Variants in SSH1 observed in about 807,000 individuals in gnomAD.
SSH1 encodes protein phosphatase Slingshot homolog 1.
A neutral mutation model predicts 79.7 loss-of-function variants in SSH1; 43 were observed. That is an observed-to-expected ratio of 0.54 (90% CI 0.42 to 0.70). SSH1 has a LOEUF of 0.70. Among genes scored for constraint, SSH1 ranks in the 30% least tolerant of loss-of-function variants. The pLI is 0.00. For synonymous variants in SSH1, 599 were observed against 538.3 expected (o/e 1.11, Z -1.56); for missense variants, 1,206 against 1,358.8 (o/e 0.89, Z 1.77).
rs1298842512 is a variant in SSH1, at chr12:108,788,430, T to C, written c.2708A>G (p.Tyr903Cys). 1.8e-5 allele frequency: 28 copies of C among 1,587,056 alleles called. No individual in the cohort carries two copies. Among genetic ancestry groups the C allele is most frequent in the African/African-American group, 5.4e-5 (4 of 73,780 alleles). Residue 903 changes from tyrosine (Y) to cysteine (C), a missense_variant, in exon 15 of 15, where the codon TAC becomes TGC. Physicochemically the swap from Tyr to Cys is radical, Grantham distance 194 (BLOSUM62 -2). Transcript: ENST00000326495. ...GAAACTACTGGTGTGGTCCAGGCGGTAGAAGAAAGGAGGGGGGCTCTTCAG... is the reference window on the plus strand; with the variant it reads ...GAAACTACTGGTGTGGTCCAGGCGGCAGAAGAAAGGAGGGGGGCTCTTCAG... ...GSLKSPPPFF[Y>C]RLDHTSSFSK...
intron 7 of SSH1, among the ~76,000 whole-genome samples, chr12:108,808,268 T>G (rs1257439507): frequency 2.0e-5 from 3 of 152,212 alleles, no homozygotes; most frequent in African/African-American, 7.2e-5. Flanking sequence ...GGCTCACTCT[T>G]GGAGTCACAC....
intron 2 of SSH1, among the ~76,000 whole-genome samples, chr12:108,844,227 G>A (rs1593126279): frequency 6.6e-6 from 1 of 151,594 alleles, no homozygotes; most frequent in African/African-American, 2.4e-5. Flanking sequence ...ACAGACACAG[G>A]AGCCAAACCC....
chr12:108,829,336 C>A (rs532690605), intron 2 of SSH1, among the ~76,000 whole-genome samples: 1 of 151,964 alleles, frequency 6.6e-6, no homozygotes, highest in African/African-American at 2.4e-5. Context: ...TGGGCAGGGG[C>A]GGTGGGGAAC....
intron 2 of SSH1, among the ~76,000 whole-genome samples, chr12:108,835,485 AC>A (rs1411713071): frequency 6.6e-6 from 1 of 152,148 alleles, no homozygotes; most frequent in East Asian, 1.9e-4. Flanking sequence ...AGGTTAAGTC[AC>A]CTGCCCAAGT....
chr12:108,845,781 A>G (rs988932316), intron 2 of SSH1, among the ~76,000 whole-genome samples: 3 of 152,248 alleles, frequency 2.0e-5, no homozygotes, highest in East Asian at 1.9e-4. Flanking sequence ...ACCTATGCAC[A>G]CATCCATCTC....
intron 2 of SSH1, chr12:108,836,937 T>C (rs1324412250): frequency 5.6e-6 from 3 of 532,448 alleles, no homozygotes; most frequent in Non-Finnish European, 7.7e-6. Flanking sequence ...GGCACAAACA[T>C]GTCCAGGTCA....
At chr12:108,800,689 C>T in intron 12 of SSH1, 91 bp downstream of exon 12, 1 of 1,539,370 alleles carries the variant, frequency 6.5e-7, no homozygotes, top group Non-Finnish European at 9.0e-7. Context: ...CTCCCACCAG[C>T]CGACTTCTGC....
At chr12:108,803,507 CA>C (rs1394948599) in intron 10 of SSH1, among the ~76,000 whole-genome samples, 3 of 152,116 alleles carry the variant, frequency 2.0e-5, no homozygotes, top group Admixed American at 6.5e-5. Context: ...CCCTCAGGAC[CA>C]GGGGTGGCAG....
At position 108,857,378 on chromosome 12, in the gene SSH1, CGGCGCGGCGTCCGGCGGCCCAGGCCG is replaced by C. The variant is rs988536537; in HGVS notation, c.69+24_69+49del. ...CGCGCGGCCCCAGCTCCGGCGGCCT[CGGCGCGGCGTCCGGCGGCCCAGGCCG>C]GGCGCGGCGAGCCCGGGGCTCACCT... is the stretch of plus-strand genomic sequence containing the variant. On this transcript the variant is annotated intron_variant, in intron 1 of 14. Transcript: ENST00000326495. The surrounding 1 kb of genome is among the most constrained non-coding windows in gnomAD (Gnocchi z 4.7). The C allele has an allele frequency of 1.6e-4, 157 of 973,190 alleles. 5 individuals are homozygous for C. The highest frequency in any genetic ancestry group is 7.5e-4 in the Admixed American group (12 of 15,966). 60.3% of individuals were successfully genotyped at this position (973,190 alleles called of 1,614,324 possible).
At chr12:108,797,290 CTT>C (rs769933866) in intron 13 of SSH1, among the ~76,000 whole-genome samples, 1 of 145,086 alleles carries the variant, frequency 6.9e-6, no homozygotes, top group African/African-American at 2.5e-5. Flanking sequence ...CCACGCTGGG[CTT>C]TTTTTTTTTG....
Position 108,800,819 on chromosome 12 carries a change from G to A in SSH1, c.1109C>T (p.Ala370Val), listed in dbSNP as rs753289188. The change falls in exon 12 of 15, where the codon GCC (alanine) becomes GTC (valine). Residue 370 changes from alanine (A) to valine (V), a missense_variant. Coordinates refer to ENST00000326495, the MANE Select transcript of SSH1 (RefSeq NM_018984.4). ...AAAATGATACGCTTCATTCCAGTGG[G>A]CGAGGAGGTCTGTGGTCTCTTCATC... Reference protein sequence around the residue: ...VYDEETTDLLAHWNEAYHFIN... With the variant: ...VYDEETTDLLVHWNEAYHFIN... The A allele has an allele frequency of 6.2e-7, 1 of 1,614,140 alleles. No homozygotes were observed. Among genetic ancestry groups the A allele is most frequent in the South Asian group, 1.1e-5 (1 of 91,080 alleles).
intron 2 of SSH1, among the ~76,000 whole-genome samples, chr12:108,847,296 G>A (rs1049398673): frequency 6.6e-6 from 1 of 152,170 alleles, no homozygotes; most frequent in Non-Finnish European, 1.5e-5. Context: ...AGAGCTGTAA[G>A]AACACACAAA....
intron 3 of SSH1, among the ~76,000 whole-genome samples, chr12:108,819,872 T>C (rs567099376): frequency 3.3e-5 from 5 of 152,282 alleles, no homozygotes; most frequent in Admixed American, 3.3e-4. Flanking sequence ...CACACTCAAA[T>C]GCTCCAAAAG....
At position 108,807,418 on chromosome 12, in the gene SSH1, ATTT is replaced by A. The variant is rs35206418; in HGVS notation, c.731+212_731+214del. 3.2e-3 allele frequency among the ~76,000 whole-genome samples: 464 copies of A among 143,478 alleles called. 1 individual carries two copies. The highest frequency in any genetic ancestry group is 9.6e-3 in the South Asian group (43 of 4,468). 94.1% of individuals were successfully genotyped at this position (143,478 alleles called of 152,430 possible). ...AATGCATTCACCAAATTCATCAGTA[ATTT>A]TTTTTTTTTTTTTCTTTTTTTTGCA... is the stretch of plus-strand genomic sequence containing the variant. On this transcript the variant is annotated intron_variant, in intron 8 of 14. Transcript: ENST00000326495. The surrounding 1 kb of genome is among the most constrained non-coding windows in gnomAD (Gnocchi z 5.2).
Position 108,783,931 on chromosome 12 carries a change from G to A in SSH1, c.*4057C>T, listed in dbSNP as rs2036199323. 2.6e-5 allele frequency: 4 copies of A among 152,232 alleles called. No individual in the cohort carries two copies. Among genetic ancestry groups the A allele is most frequent in the Admixed American group, 2.6e-4 (4 of 15,274 alleles). The allele number at this position is 152,232 out of a possible 1,614,324, so 9.4% of individuals were successfully genotyped here. A position where few individuals can be genotyped will look rare whatever the true frequency, so the allele number is the denominator to read the frequency against. Reference sequence around the variant, plus strand: ...GCTAGCCAGGTGTCACCAAGTTTCTGATCTACCCAGCTCTCTTGCCAGAGG... The same window carrying A: ...GCTAGCCAGGTGTCACCAAGTTTCTAATCTACCCAGCTCTCTTGCCAGAGG... On this transcript the variant is annotated 3_prime_UTR_variant, in exon 15 of 15. Coordinates refer to ENST00000326495, the MANE Select transcript of SSH1 (RefSeq NM_018984.4).
In SSH1 at chr12:108,782,864, A is replaced by T. The variant is rs562183292; in HGVS notation, c.*5124T>A. On this transcript the variant is annotated 3_prime_UTR_variant, in exon 15 of 15. Coordinates refer to ENST00000326495, the MANE Select transcript of SSH1 (RefSeq NM_018984.4). ...TTAAAAAAACAAGAAGAAAAACAAT[A>T]AAAAAAATCATCGATATCTTAACGC... The T allele has an allele frequency of 2.6e-5, 4 of 152,144 alleles. No individual in the cohort carries two copies. The highest frequency in any genetic ancestry group is 7.2e-5 in the African/African-American group (3 of 41,490). 9.4% of individuals were successfully genotyped at this position (152,144 alleles called of 1,614,324 possible).
intron 13 of SSH1, among the ~76,000 whole-genome samples, chr12:108,795,275 G>A (rs1454606892): frequency 2.0e-5 from 3 of 147,258 alleles, no homozygotes; most frequent in Non-Finnish European, 4.5e-5. Context: ...TTTTTTTTTT[G>A]GAGGTGAAGT....
At chr12:108,817,469 G>T (rs1424605216) in intron 4 of SSH1, 6 of 232,390 alleles carry the variant, frequency 2.6e-5, no homozygotes, top group South Asian at 1.3e-4. Flanking sequence ...CAGCTACTCA[G>T]GGGACTGAGG....
Position 108,792,596 on chromosome 12 carries a change from C to A in SSH1, c.1583G>T (p.Ser528Ile). The change falls in exon 14 of 15, where the codon AGC becomes ATC. Residue 528 changes from serine (S) to isoleucine (I), a missense_variant. Physicochemically the swap from Ser to Ile is moderately radical, Grantham distance 142. Transcript: ENST00000326495. Reference sequence around the variant, plus strand: ...CTCCGGATCCTCCAGGTGGACCAAGCTGCCAGTTTCATCCTCAGGGGAAGG... The same window carrying A: ...CTCCGGATCCTCCAGGTGGACCAAGATGCCAGTTTCATCCTCAGGGGAAGG... The part of the protein sequence containing the change: ...LLPSPEDETG[S>I]LVHLEDPERE... 6.2e-7 allele frequency: 1 copy of A among 1,612,522 alleles called. No homozygotes were observed.
Sources: allele counts gnomAD v4.1 joint callset (sites outside exome capture counted in the v4.1 genomes callset), GRCh38; gene constraint gnomAD v4.1.1; non-coding constraint Gnocchi (gnomAD v3.1); transcripts MANE v1.5; gene names NCBI Gene and HGNC (gene_info 2026-07-23, HGNC 2026-07-21).